PDE9A: variants seen among roughly 807,000 people sequenced by gnomAD.
The protein encoded by PDE9A is high affinity cGMP-specific 3',5'-cyclic phosphodiesterase 9A.
A neutral mutation model predicts 87.4 loss-of-function variants in PDE9A; 60 were observed. The observed-to-expected ratio is 0.69, with a 90% confidence interval of 0.56 to 0.85. The LOEUF (loss-of-function observed/expected upper bound fraction) is 0.85. PDE9A is among the 40% of genes least tolerant of loss of function. The pLI, the probability that PDE9A is intolerant of heterozygous loss-of-function variation, is 0.00. For missense variants in PDE9A, 665 were observed against 779.0 expected, an observed-to-expected ratio of 0.85 and a Z score of 1.74; for synonymous variants, 272 against 279.4, an observed-to-expected ratio of 0.97 and a Z score of 0.27.
At chr21:42,754,130 G>A in intron 10 of PDE9A, 66 bp downstream of exon 10, 1 of 886,478 alleles carries the variant, frequency 1.1e-6, no homozygotes, top group Non-Finnish European at 1.9e-6. Flanking sequence ...GACGCCAGTG[G>A]GACCACCCCC....
intron 10 of PDE9A, among the ~76,000 whole-genome samples, chr21:42,754,697 G>T (rs901752255): frequency 6.6e-6 from 1 of 152,042 alleles, no homozygotes; most frequent in African/African-American, 2.4e-5. Context: ...TGAATCATGG[G>T]GGCAGTTTTC....
chr21:42,743,212 T>C (rs938065291), intron 7 of PDE9A, among the ~76,000 whole-genome samples: 1 of 152,232 alleles, frequency 6.6e-6, no homozygotes, highest in Non-Finnish European at 1.5e-5. Context: ...AAGTCCAAGT[T>C]CTGCTGATCC....
chr21:42,661,083 G>A (rs1240524821), intron 1 of PDE9A, among the ~76,000 whole-genome samples: 11 of 150,970 alleles, frequency 7.3e-5, no homozygotes. Context: ...CCAGGCTAGA[G>A]TGCAGTGGCG....
At chr21:42,673,749 A>T (rs886529597) in intron 1 of PDE9A, among the ~76,000 whole-genome samples, 1 of 152,090 alleles carries the variant, frequency 6.6e-6, no homozygotes, top group Non-Finnish European at 1.5e-5. Flanking sequence ...TGGCCCCCCA[A>T]ATCCAGAACC....
At chr21:42,674,079 T>C (rs1325099287) in intron 1 of PDE9A, among the ~76,000 whole-genome samples, 6 of 152,042 alleles carry the variant, frequency 3.9e-5, no homozygotes, top group Non-Finnish European at 8.8e-5. Context: ...GCTGACAGAT[T>C]CCCCCTCCCC....
In PDE9A at chr21:42,692,581, G is replaced by A. The variant is rs1228370991; in HGVS notation, c.218+4587G>A. Reference sequence around the variant, plus strand: ...TCCCCTCAGTCTCTGGTTTGTGACGGAGGTGGGCCCCGAGAATCTTTCTGC... The same window carrying A: ...TCCCCTCAGTCTCTGGTTTGTGACGAAGGTGGGCCCCGAGAATCTTTCTGC... On this transcript the variant is annotated intron_variant, in intron 3 of 19. Transcript: ENST00000291539. This position sits in a 1 kb window ranked among gnomAD's most constrained non-coding sequence, Gnocchi z 4.3. 6.6e-6 allele frequency among the ~76,000 whole-genome samples: 1 copy of A among 152,142 alleles called. No homozygotes were observed. The highest frequency in any genetic ancestry group is 1.5e-5 in the Non-Finnish European group (1 of 68,016).
intron 4 of PDE9A, among the ~76,000 whole-genome samples, chr21:42,727,489 A>T (rs1305090143): frequency 1.9e-3 from 166 of 88,276 alleles, no homozygotes; most frequent in South Asian, 3.2e-3. Context: ...ACGCCTGGCT[A>T]TTTTTTTTTT....
At chr21:42,754,509 G>C (rs2054812701) in intron 10 of PDE9A, among the ~76,000 whole-genome samples, 2 of 152,254 alleles carry the variant, frequency 1.3e-5, no homozygotes, top group South Asian at 4.1e-4. Context: ...CAGGCAACCG[G>C]CTGCCCCAGA....
intron 1 of PDE9A, among the ~76,000 whole-genome samples, chr21:42,657,562 G>GT (rs1458229229): frequency 6.6e-6 from 1 of 152,236 alleles, no homozygotes; most frequent in Non-Finnish European, 1.5e-5. Context: ...TGGAGAAAGG[G>GT]TTTGCTCAGC....
intron 10 of PDE9A, among the ~76,000 whole-genome samples, chr21:42,755,428 G>A (rs768737422): frequency 6.6e-6 from 1 of 152,182 alleles, no homozygotes; most frequent in Admixed American, 6.5e-5. Context: ...AGCAGCAGGC[G>A]GCCAGTCCCA....
rs1262887870 is a variant in PDE9A at position 42,738,024 on chromosome 21, G to C, written c.568+4598G>C. Among the ~76,000 whole-genome samples the C allele has an allele frequency of 3.3e-5, 5 of 152,138 alleles. No homozygotes were observed. In the East Asian group the frequency reaches 9.6e-4, roughly 29 times the overall value. ...ATTATTTTGTAAACAGAACACCCAG[G>C]CTCCTCCCCTCATGTCCTGGCTGGA... On this transcript the variant is annotated intron_variant, in intron 7 of 19. Coordinates refer to ENST00000291539, the MANE Select transcript of PDE9A (RefSeq NM_002606.3).
chr21:42,655,403 G>C (rs2056984297), intron 1 of PDE9A, among the ~76,000 whole-genome samples: 2 of 152,334 alleles, frequency 1.3e-5, no homozygotes, highest in South Asian at 4.1e-4. Flanking sequence ...GAGAGCTTCA[G>C]GAGGGGTGGG....
chr21:42,689,832 G>C, intron 3 of PDE9A: 1 of 985,322 alleles, frequency 1.0e-6, no homozygotes, highest in Non-Finnish European at 1.2e-6. Context: ...CCATGATATG[G>C]ACATGGCAGT....
In PDE9A at chr21:42,687,993, CG is replaced by C; in HGVS notation, c.218+1del. ...IDPTMPANSERTPYKVRPVAI... is the reference protein window; with the variant it reads ...IDPTMPANSEXTPYKVRPVAI... ...CCCCACCATGCCCGCGAATTCAGAACGGTAAGAGGCTCCGGCCGCGCTCCTC... is the reference window on the plus strand; with the variant it reads ...CCCCACCATGCCCGCGAATTCAGAACGTAAGAGGCTCCGGCCGCGCTCCTC... On this transcript the variant is annotated frameshift_variant and splice_region_variant, in exon 3 of 20. Transcript: ENST00000291539. LOFTEE classifies it high-confidence loss of function. 1 of 1,611,736 alleles carries C rather than the reference CG, an allele frequency of 6.2e-7. No individual in the cohort carries two copies. Among genetic ancestry groups the C allele is most frequent in the Non-Finnish European group, 8.5e-7 (1 of 1,179,344 alleles).
At chr21:42,771,972 G>T (rs934423789) in intron 18 of PDE9A, among the ~76,000 whole-genome samples, 27 of 152,226 alleles carry the variant, frequency 1.8e-4, no homozygotes, top group Non-Finnish European at 2.9e-4. Flanking sequence ...CCGCAAGAGA[G>T]CTGAAGGGGC....
intron 7 of PDE9A, among the ~76,000 whole-genome samples, chr21:42,743,461 A>G (rs988492078): frequency 1.1e-4 from 17 of 152,204 alleles, no homozygotes; most frequent in African/African-American, 3.9e-4. Context: ...TATGGAGCAA[A>G]AAGTGGGTGC....
chr21:42,702,826 G>C lies in PDE9A; in HGVS notation c.262+3815G>C, dbSNP rs2048484056. Among the ~76,000 whole-genome samples the C allele has an allele frequency of 6.6e-6, 1 of 152,242 alleles. No homozygotes were observed. The highest frequency in any genetic ancestry group is 2.4e-5 in the African/African-American group (1 of 41,476). ...TTGGAGATGAGAATGAAAGCGCCAG[G>C]GCCTTGAAGGTCGTTGCAAGGATGC... On this transcript the variant is annotated intron_variant, in intron 4 of 19. Transcript: ENST00000291539. This position sits in a 1 kb window ranked among gnomAD's most constrained non-coding sequence, Gnocchi z 4.9.
chr21:42,684,982 TAAAAAA>T (rs10710961), intron 1 of PDE9A, among the ~76,000 whole-genome samples: 2 of 146,660 alleles, frequency 1.4e-5, no homozygotes, highest in African/African-American at 5.0e-5. Context: ...AATCTTAGCT[TAAAAAA>T]AAAAAAAATG....
chr21:42,774,448 C>G (rs916202519), intron 19 of PDE9A, among the ~76,000 whole-genome samples: 2 of 152,126 alleles, frequency 1.3e-5, no homozygotes, highest in African/African-American at 4.8e-5. Flanking sequence ...TGTCTGGTCC[C>G]GATGAAGTGC....
Sources: allele counts gnomAD v4.1 joint callset (sites outside exome capture counted in the v4.1 genomes callset), GRCh38; gene constraint gnomAD v4.1.1; non-coding constraint Gnocchi (gnomAD v3.1); transcripts MANE v1.5; gene names NCBI Gene and HGNC (gene_info 2026-07-23, HGNC 2026-07-21).